Variants in ATRNL1 observed in about 807,000 individuals in gnomAD.
ATRNL1 encodes attractin like 1.
ATRNL1 carries 95 observed loss-of-function variants against 182.7 expected under a neutral mutation model. The ratio of observed to expected loss-of-function variants is 0.52; its 90% CI spans 0.44 to 0.62. ATRNL1 has a LOEUF of 0.62. ATRNL1 is among the 20% of genes least tolerant of loss of function. The probability of loss-of-function intolerance (pLI) is 0.00; values close to 1 mark genes in which losing one functional copy is unlikely to be tolerated. For synonymous variants in ATRNL1, 576 were observed against 568.3 expected (o/e 1.01, Z -0.19); for missense variants, 1,471 against 1,679.5 (o/e 0.88, Z 2.17).
At chr10:115,633,037 C>T (rs556738424) in intron 26 of ATRNL1, among the ~76,000 whole-genome samples, 50 of 152,052 alleles carry the variant, frequency 3.3e-4, no homozygotes, top group Admixed American at 2.0e-3. Flanking sequence ...GGATTACAGG[C>T]ATGCACTGCC....
At chr10:115,463,149 A>G (rs1554970111) in intron 22 of ATRNL1, among the ~76,000 whole-genome samples, 1 of 151,824 alleles carries the variant, frequency 6.6e-6, no homozygotes, top group Non-Finnish European at 1.5e-5. Context: ...ACATTTTGCA[A>G]CTTCTTTCCT....
intron 26 of ATRNL1, among the ~76,000 whole-genome samples, chr10:115,696,894 A>AGAGAGAGAGAGAGAGAGAGC (rs1565296009): frequency 1.3e-5 from 2 of 149,148 alleles, no homozygotes; most frequent in African/African-American, 5.1e-5. Context: ...AGAGAGAGAG[A>AGAGAGAGAGAGAGAGAGAGC]GAGAGCGAGC....
At chr10:115,304,679 G>A (rs543320577) in intron 17 of ATRNL1, among the ~76,000 whole-genome samples, 1 of 152,034 alleles carries the variant, frequency 6.6e-6, no homozygotes, top group African/African-American at 2.4e-5. Context: ...CATTCAGGTA[G>A]CCCTCGGAAA....
chr10:115,104,640 A>C (rs1442271284), intron 1 of ATRNL1, among the ~76,000 whole-genome samples: 3 of 151,846 alleles, frequency 2.0e-5, no homozygotes, highest in Non-Finnish European at 2.9e-5. Flanking sequence ...TGTCCTGGAG[A>C]GTTTTCCCAA....
chr10:115,695,195 C>G (rs535708918), intron 26 of ATRNL1, among the ~76,000 whole-genome samples: 1 of 151,974 alleles, frequency 6.6e-6, no homozygotes, highest in African/African-American at 2.4e-5. Context: ...TTGTCAATAC[C>G]CTGAGTTCTA....
rs555480264 is a variant in ATRNL1, at chr10:115,454,815, C to G, written c.3323-7126C>G. On this transcript the variant is annotated intron_variant, in intron 21 of 28. Transcript: ENST00000355044. ...TGTTTGTGTGTGTGTATGTGTGGAG[C>G]CTTTAGTATTTTATCTACATAATAT... Among the ~76,000 whole-genome samples, 2 of 151,798 alleles carry G rather than the reference C, an allele frequency of 1.3e-5. 1 individual carries two copies. The highest frequency in any genetic ancestry group is 4.2e-4 in the South Asian group (2 of 4,808).
In ATRNL1 at chr10:115,334,396, C is replaced by T; in HGVS notation, c.3152C>T (p.Pro1051Leu). ...TGTATGCCAGGTTATTATGGAGATC[C>T]AACCAATGGTGGACAGTGCACAGGT... ...QDCMPGYYGD[P>L]TNGGQCTACT... The change falls in exon 19 of 29, where the codon CCA becomes CTA. Residue 1051 changes from proline (P) to leucine (L), a missense_variant. Pro to Leu is a moderately conservative substitution (Grantham distance 98). This residue lies in a region of ATRNL1 where 437 missense variants were observed against 506.0 expected (regional missense o/e 0.86). Coordinates refer to ENST00000355044, the MANE Select transcript of ATRNL1 (RefSeq NM_207303.4). 6.2e-7 allele frequency: 1 copy of T among 1,601,978 alleles called. No homozygotes were observed. The highest frequency in any genetic ancestry group is 8.5e-7 in the Non-Finnish European group (1 of 1,172,022).
At chr10:115,312,736 A>T (rs1215063884) in intron 17 of ATRNL1, among the ~76,000 whole-genome samples, 1 of 152,154 alleles carries the variant, frequency 6.6e-6, no homozygotes, top group Non-Finnish European at 1.5e-5. Flanking sequence ...TACCTCAGGA[A>T]CACCAGTGAT....
At chr10:115,201,275 T>G (rs1848567927) in intron 8 of ATRNL1, among the ~76,000 whole-genome samples, 1 of 152,096 alleles carries the variant, frequency 6.6e-6, no homozygotes, top group Admixed American at 6.6e-5. Flanking sequence ...TTGCCATTGC[T>G]TTTGGTGTTT....
At chr10:115,902,766 C>G (rs917311896) in intron 28 of ATRNL1, among the ~76,000 whole-genome samples, 1 of 152,160 alleles carries the variant, frequency 6.6e-6, no homozygotes, top group Non-Finnish European at 1.5e-5. Context: ...AATTTTAACA[C>G]GAATGACACA....
intron 24 of ATRNL1, among the ~76,000 whole-genome samples, chr10:115,505,031 G>A (rs1425910845): frequency 6.6e-6 from 1 of 152,002 alleles, no homozygotes; most frequent in Non-Finnish European, 1.5e-5. Context: ...AGACAACTCA[G>A]GTGAAAATCA....
chr10:115,932,923 T>G (rs150845816), intron 28 of ATRNL1, among the ~76,000 whole-genome samples: 4 of 152,308 alleles, frequency 2.6e-5, no homozygotes, highest in Admixed American at 2.6e-4. Flanking sequence ...TGTGCATCAC[T>G]ACCCAACACT....
chr10:115,262,839 A>G (rs1554909151), intron 10 of ATRNL1, among the ~76,000 whole-genome samples: 1 of 152,052 alleles, frequency 6.6e-6, no homozygotes, highest in African/African-American at 2.4e-5. Flanking sequence ...TCAGATTGGT[A>G]AAAATTTTAA....
At chr10:115,278,212 T>G (rs1199381873) in intron 13 of ATRNL1, among the ~76,000 whole-genome samples, 1 of 152,244 alleles carries the variant, frequency 6.6e-6, no homozygotes, top group Non-Finnish European at 1.5e-5. Context: ...TGGAAAAAGT[T>G]TTCATTAGAT....
intron 27 of ATRNL1, among the ~76,000 whole-genome samples, chr10:115,731,415 T>A (rs1947794041): frequency 6.6e-6 from 1 of 152,188 alleles, no homozygotes; most frequent in African/African-American, 2.4e-5. Flanking sequence ...TAAAGCATTA[T>A]ATTAATTGTT....
intron 27 of ATRNL1, among the ~76,000 whole-genome samples, chr10:115,741,530 C>A (rs1030341710): frequency 6.6e-6 from 1 of 151,988 alleles, no homozygotes; most frequent in Admixed American, 6.6e-5. Flanking sequence ...AAACAAGATG[C>A]CGAGGATCAC....
At chr10:115,769,725 C>A (rs797028918) in intron 27 of ATRNL1, among the ~76,000 whole-genome samples, 33 of 152,176 alleles carry the variant, frequency 2.2e-4, no homozygotes, top group African/African-American at 7.5e-4. Context: ...GTTTCCTTGA[C>A]AATAAGCTAA....
At chr10:115,305,647 A>T (rs890245347) in intron 17 of ATRNL1, among the ~76,000 whole-genome samples, 2 of 152,334 alleles carry the variant, frequency 1.3e-5, no homozygotes, top group South Asian at 2.1e-4. Context: ...CTCTCGACAA[A>T]CATTATTGTT....
At chr10:115,397,087 C>T (rs781972416) in intron 20 of ATRNL1, among the ~76,000 whole-genome samples, 2 of 151,638 alleles carry the variant, frequency 1.3e-5, no homozygotes, top group Non-Finnish European at 2.9e-5. Context: ...AGAATAGGCT[C>T]ATTATTTTTA....
Sources: gnomAD v4.1 joint callset for allele counts (sites outside exome capture counted in the v4.1 genomes callset) on GRCh38, gnomAD v4.1.1 for gene constraint, gnomAD v4.1.1 regional missense constraint, MANE v1.5 for transcripts, NCBI Gene and HGNC (gene_info 2026-07-23, HGNC 2026-07-21) for gene names.